Variants in TNNI3K observed in about 807,000 individuals in gnomAD.
TNNI3K encodes serine/threonine-protein kinase TNNI3K.
In TNNI3K, 140 loss-of-function variants were observed where a neutral mutation model predicts 114.5. The observed-to-expected ratio is 1.22, with a 90% CI of 1.07 to 1.41. The LOEUF (loss-of-function observed/expected upper bound fraction) is 1.41. Ranked by LOEUF, TNNI3K falls within the 40% of genes most tolerant of loss-of-function variation. The pLI is 0.00. For missense variants in TNNI3K, 1,125 were observed against 1,007.6 expected, an observed-to-expected ratio of 1.12 and a Z score of -1.58; for synonymous variants, 347 against 347.5, an observed-to-expected ratio of 1.00 and a Z score of 0.02.
At chr1:74,273,567 G>T (rs1268546197) in intron 5 of TNNI3K, among the ~76,000 whole-genome samples, 1 of 151,810 alleles carries the variant, frequency 6.6e-6, no homozygotes, top group Admixed American at 6.6e-5. Context: ...CATTACAATG[G>T]CTTCTAAAGC....
intron 23 of TNNI3K, among the ~76,000 whole-genome samples, chr1:74,536,244 G>A (rs1328412496): frequency 6.6e-6 from 1 of 152,006 alleles, no homozygotes; most frequent in African/African-American, 2.4e-5. Context: ...TCTTTACCTA[G>A]GGTGCATTAA....
At chr1:74,522,316 G>A (rs45615338) in intron 23 of TNNI3K, among the ~76,000 whole-genome samples, 43 of 152,188 alleles carry the variant, frequency 2.8e-4, no homozygotes, top group African/African-American at 9.1e-4. Flanking sequence ...TGCAGCTGCC[G>A]CAAATGTGCA....
chr1:74,539,812 T>A (rs1646704119), intron 23 of TNNI3K, among the ~76,000 whole-genome samples: 2 of 151,928 alleles, frequency 1.3e-5, no homozygotes, highest in African/African-American at 4.8e-5. Flanking sequence ...CACTATATCT[T>A]ATTATCATAA....
chr1:74,340,377 G>T (rs1660692188), intron 7 of TNNI3K, among the ~76,000 whole-genome samples: 1 of 152,052 alleles, frequency 6.6e-6, no homozygotes, highest in African/African-American at 2.4e-5. Flanking sequence ...TGTTATTCAT[G>T]CATTCAATTT....
intron 16 of TNNI3K, chr1:74,369,992 G>A (rs1662508800): frequency 4.2e-6 from 1 of 238,520 alleles, no homozygotes. Flanking sequence ...GTTTCATACA[G>A]TGATTAAAAT....
chr1:74,250,827 T>C lies in TNNI3K; in HGVS notation c.333+58T>C, dbSNP rs529928638. ...TGGAACTAAGGATAGTGTGTATCTTTAGGCTTTTTTTTTTTTTTTTCAAAT... is the reference window on the plus strand; with the variant it reads ...TGGAACTAAGGATAGTGTGTATCTTCAGGCTTTTTTTTTTTTTTTTCAAAT... On this transcript the variant is annotated intron_variant, in intron 4 of 24. Transcript: ENST00000326637. 1.3e-3 allele frequency: 1,680 copies of C among 1,314,958 alleles called. 4 individuals carry two copies. The highest frequency in any genetic ancestry group is 1.3e-3 in the Non-Finnish European group (1,332 of 993,930). The allele number at this position is 1,314,958 out of a possible 1,614,324, so 81.5% of individuals were successfully genotyped here. A position where few individuals can be genotyped will look rare whatever the true frequency, so the allele number is the denominator to read the frequency against.
intron 6 of TNNI3K, among the ~76,000 whole-genome samples, 199 bp downstream of exon 6, chr1:74,331,747 T>G (rs2100413482): frequency 6.6e-6 from 1 of 152,336 alleles, no homozygotes. Context: ...GCTGATGATC[T>G]TATTACACAA....
intron 21 of TNNI3K, among the ~76,000 whole-genome samples, chr1:74,483,662 C>A (rs1668609515): frequency 6.6e-6 from 1 of 152,154 alleles, no homozygotes; most frequent in Non-Finnish European, 1.5e-5. Flanking sequence ...GTTTGTAGTG[C>A]TTTCACCAAA....
At chr1:74,451,657 T>TTTTCTTTTCTTTTCTTTTCTTTTC (rs1667005322) in intron 20 of TNNI3K, among the ~76,000 whole-genome samples, 1 of 53,090 alleles carries the variant, frequency 1.9e-5, no homozygotes, top group African/African-American at 5.3e-5. Flanking sequence ...TTTCCTTTCT[T>TTTTCTTTTCTTTTCTTTTCTTTTC]TTTTCTTTTC....
rs548013648 is a variant in TNNI3K, at chr1:74,291,493, G to T, written c.444+19785G>T. ...ATTATCTTGTTTTATGTCGGGAATA[G>T]GTATCATTATTCGTTTCATTTTACA... On this transcript the variant is annotated intron_variant, in intron 5 of 24. Coordinates refer to ENST00000326637, the MANE Select transcript of TNNI3K (RefSeq NM_015978.3). 2.0e-5 allele frequency among the ~76,000 whole-genome samples: 3 copies of T among 151,560 alleles called. No individual in the cohort carries two copies. The East Asian group carries it at 5.8e-4, about 29-fold the overall frequency.
intron 17 of TNNI3K, among the ~76,000 whole-genome samples, chr1:74,431,332 G>A (rs1046279931): frequency 1.3e-5 from 2 of 151,816 alleles, no homozygotes; most frequent in African/African-American, 2.4e-5. Flanking sequence ...TTTTCTACTT[G>A]GTTAATGATC....
At chr1:74,503,996 T>C (rs1669764308) in intron 23 of TNNI3K, among the ~76,000 whole-genome samples, 1 of 152,212 alleles carries the variant, frequency 6.6e-6, no homozygotes, top group Admixed American at 6.5e-5. Flanking sequence ...ACTATCTCCA[T>C]GAAGATCCAA....
In TNNI3K at chr1:74,492,084, C is replaced by G. The variant is rs1669106892; in HGVS notation, c.2182-13C>G. 2 of 1,510,756 alleles carry G rather than the reference C, an allele frequency of 1.3e-6. No individual in the cohort carries two copies. The highest frequency in any genetic ancestry group is 2.7e-5 in the South Asian group (2 of 74,142). 93.6% of individuals were successfully genotyped at this position (1,510,756 alleles called of 1,614,324 possible). A position where few individuals can be genotyped will look rare whatever the true frequency, so the allele number is the denominator to read the frequency against. ...AAGTATTAAACAATTGAAATTGCCC[C>G]TCCTCCACTCAGCTGATGTCTCCTG... is the stretch of plus-strand genomic sequence containing the variant. On this transcript the variant is annotated splice_polypyrimidine_tract_variant and intron_variant, in intron 22 of 24. Transcript: ENST00000326637.
At chr1:74,461,487 A>G (rs1225271233) in intron 20 of TNNI3K, among the ~76,000 whole-genome samples, 1 of 151,416 alleles carries the variant, frequency 6.6e-6, no homozygotes, top group Admixed American at 6.6e-5. Context: ...CTCGAGAAAA[A>G]AAAAAAAAAA....
At chr1:74,300,591 G>A (rs964963165) in intron 5 of TNNI3K, among the ~76,000 whole-genome samples, 1 of 152,290 alleles carries the variant, frequency 6.6e-6, no homozygotes, top group Non-Finnish European at 1.5e-5. Context: ...TAAAGCTTTG[G>A]AGCTCAGAGT....
chr1:74,436,161 T>G (rs1384198584), intron 18 of TNNI3K, 29 bp downstream of exon 18: 1 of 1,611,674 alleles, frequency 6.2e-7, no homozygotes, highest in East Asian at 2.2e-5. Context: ...GCATCCTTTT[T>G]TTCTTTGTTC....
intron 9 of TNNI3K, among the ~76,000 whole-genome samples, chr1:74,351,938 T>G (rs1661371297): frequency 6.6e-6 from 1 of 152,172 alleles, no homozygotes; most frequent in African/African-American, 2.4e-5. Flanking sequence ...TGGGAGTAGT[T>G]TGATCTTCTG....
At chr1:74,496,628 T>A (rs1669340972) in intron 23 of TNNI3K, among the ~76,000 whole-genome samples, 1 of 152,130 alleles carries the variant, frequency 6.6e-6, no homozygotes, top group African/African-American at 2.4e-5. Context: ...TTATTCTTTA[T>A]AAATAAATTT....
intron 11 of TNNI3K, among the ~76,000 whole-genome samples, chr1:74,365,822 A>G (rs1054417822): frequency 8.5e-5 from 13 of 152,050 alleles, no homozygotes; most frequent in African/African-American, 3.1e-4. Flanking sequence ...ACTTATTCCT[A>G]TGATTTGAGA....
Sources: gnomAD v4.1 joint callset for allele counts (sites outside exome capture counted in the v4.1 genomes callset) on GRCh38, gnomAD v4.1.1 for gene constraint, MANE v1.5 for transcripts, NCBI Gene and HGNC (gene_info 2026-07-23, HGNC 2026-07-21) for gene names.